IL1RAPL2: variants seen among roughly 807,000 people sequenced by gnomAD.
IL1RAPL2 encodes interleukin 1 receptor accessory protein like 2, also known as X-linked interleukin-1 receptor accessory protein-like 2.
Under a neutral mutation model 44.1 loss-of-function variants are expected in IL1RAPL2, and 3 were observed. The ratio of observed to expected loss-of-function variants is 0.07; its 90% CI spans 0.03 to 0.18. The LOEUF (loss-of-function observed/expected upper bound fraction) is 0.18, where lower values mean the gene tolerates loss of function less well. Among genes scored for constraint, IL1RAPL2 ranks in the 10% least tolerant of loss-of-function variants. The pLI is 1.00. For missense variants in IL1RAPL2, 391 were observed against 496.4 expected (o/e 0.79, Z 2.02); for synonymous variants, 181 against 178.8 (o/e 1.01, Z -0.10).
chrX:104,679,343 G>C (rs1209474800), intron 2 of IL1RAPL2, among the ~76,000 whole-genome samples: 1 of 111,567 alleles, frequency 9.0e-6, no homozygotes, highest in Non-Finnish European at 1.9e-5. Flanking sequence ...ACAATTTGTG[G>C]CCAGAATGAC....
rs750079131 is a variant in IL1RAPL2 at position 105,390,274 on chromosome X, C to G, written c.698-94039C>G. Reference sequence around the variant, plus strand: ...ATCCAGCCCCTGCCTCAAATCCCACCATTCTCTACCTCCCTCCTATTGCCA... The same window carrying G: ...ATCCAGCCCCTGCCTCAAATCCCACGATTCTCTACCTCCCTCCTATTGCCA... On this transcript the variant is annotated intron_variant, in intron 5 of 10. Coordinates refer to ENST00000372582, the MANE Select transcript of IL1RAPL2 (RefSeq NM_017416.2). Among the ~76,000 whole-genome samples, 10 of 111,335 alleles carry G rather than the reference C, an allele frequency of 9.0e-5. No homozygotes were observed. The South Asian group carries it at 3.8e-3, about 42-fold the overall frequency.
intron 5 of IL1RAPL2, among the ~76,000 whole-genome samples, chrX:105,343,139 A>G (rs1363664488): frequency 8.9e-6 from 1 of 111,790 alleles, no homozygotes; most frequent in African/African-American, 3.3e-5. Context: ...TGGAAGGCCC[A>G]TTTGTCCTCA....
chrX:105,303,337 G>C (rs185021945), intron 5 of IL1RAPL2, among the ~76,000 whole-genome samples: 2 of 111,818 alleles, frequency 1.8e-5, no homozygotes, highest in Non-Finnish European at 3.8e-5. Flanking sequence ...TTGGGTTCCT[G>C]AATTCCTTCA....
intron 7 of IL1RAPL2, among the ~76,000 whole-genome samples, chrX:105,730,774 A>G (rs1374367483): frequency 8.9e-6 from 1 of 111,892 alleles, no homozygotes; most frequent in Non-Finnish European, 1.9e-5. Flanking sequence ...GACTGAGTCA[A>G]TGAAGAAATT....
chrX:105,747,574 A>G (rs2038560579), intron 8 of IL1RAPL2, among the ~76,000 whole-genome samples: 1 of 102,857 alleles, frequency 9.7e-6, no homozygotes, highest in Admixed American at 1.1e-4. Context: ...ATATATACAC[A>G]CATATATATA....
intron 2 of IL1RAPL2, among the ~76,000 whole-genome samples, chrX:104,719,312 A>T (rs185777123): frequency 8.9e-6 from 1 of 112,077 alleles, no homozygotes; most frequent in East Asian, 2.8e-4. Flanking sequence ...AAAGTTCTGA[A>T]ATAGTCTTTA....
At chrX:105,055,242 G>A (rs1336259899) in intron 2 of IL1RAPL2, among the ~76,000 whole-genome samples, 1 of 111,639 alleles carries the variant, frequency 9.0e-6, no homozygotes, top group Non-Finnish European at 1.9e-5. Context: ...GAAAGAGCAA[G>A]GGAGGTCTTT....
chrX:105,657,340 C>G (rs891468015), intron 6 of IL1RAPL2, among the ~76,000 whole-genome samples: 10 of 112,093 alleles, frequency 8.9e-5, no homozygotes, highest in Non-Finnish European at 1.7e-4. Flanking sequence ...ATATCAAACT[C>G]TGTGTGTCTA....
At chrX:105,227,852 T>A (rs1462719523) in intron 3 of IL1RAPL2, among the ~76,000 whole-genome samples, 1 of 112,425 alleles carries the variant, frequency 8.9e-6, no homozygotes, top group Admixed American at 9.4e-5. Flanking sequence ...CTTTTTTAAA[T>A]AAGGTAAAAT....
intron 2 of IL1RAPL2, among the ~76,000 whole-genome samples, chrX:104,878,589 T>C (rs1427699135): frequency 2.7e-5 from 3 of 112,088 alleles, no homozygotes; most frequent in African/African-American, 9.7e-5. Context: ...CACAGTGTTA[T>C]GTATATTTAG....
intron 1 of IL1RAPL2, among the ~76,000 whole-genome samples, chrX:104,582,676 CTCTTTCTT>C (rs202220678): frequency 1.5e-5 from 1 of 67,708 alleles, no homozygotes; most frequent in East Asian, 4.5e-4. Flanking sequence ...TTTTTTCTTT[CTCTTTCTT>C]TCTTTCTTTC....
At chrX:104,761,955 T>C (rs1385779816) in intron 2 of IL1RAPL2, among the ~76,000 whole-genome samples, 3 of 90,971 alleles carry the variant, frequency 3.3e-5, no homozygotes, top group African/African-American at 1.5e-4. Context: ...CTTCTTCTTC[T>C]TCTTCTTCTT....
intron 8 of IL1RAPL2, among the ~76,000 whole-genome samples, chrX:105,747,575 CATAT>C (rs1181132236): frequency 9.9e-6 from 1 of 101,425 alleles, no homozygotes; most frequent in Non-Finnish European, 2.0e-5. Context: ...TATATACACA[CATAT>C]ATATATATTC....
At chrX:104,984,260 T>C (rs1835017289) in intron 2 of IL1RAPL2, among the ~76,000 whole-genome samples, 1 of 111,755 alleles carries the variant, frequency 8.9e-6, no homozygotes, top group African/African-American at 3.2e-5. Flanking sequence ...CATGTGGGAT[T>C]TTCAAAACAT....
intron 2 of IL1RAPL2, among the ~76,000 whole-genome samples, chrX:104,795,601 A>G (rs1272360074): frequency 9.0e-6 from 1 of 111,198 alleles, no homozygotes; most frequent in Non-Finnish European, 1.9e-5. Context: ...CACCTTGAGG[A>G]AATATTCTGT....
intron 1 of IL1RAPL2, among the ~76,000 whole-genome samples, chrX:104,638,248 A>G (rs1290804325): frequency 5.4e-5 from 6 of 110,292 alleles, no homozygotes; most frequent in African/African-American, 2.0e-4. Flanking sequence ...TGGGTGTTCT[A>G]TCTTTTTTGT....
intron 2 of IL1RAPL2, among the ~76,000 whole-genome samples, chrX:104,730,280 A>T (rs890167390): frequency 3.7e-5 from 4 of 107,284 alleles, no homozygotes; most frequent in Non-Finnish European, 7.8e-5. Flanking sequence ...TGTGCAGGTT[A>T]GTTACATATG....
intron 5 of IL1RAPL2, among the ~76,000 whole-genome samples, chrX:105,470,060 A>G (rs12556409): frequency 0.017 from 1,901 of 111,399 alleles, 86 homozygotes; most frequent in East Asian, 0.12. Context: ...ACAAACAAAC[A>G]AAAAACTGAA....
intron 5 of IL1RAPL2, among the ~76,000 whole-genome samples, chrX:105,380,653 C>CA (rs2035423038): frequency 1.8e-5 from 2 of 111,083 alleles, no homozygotes; most frequent in Admixed American, 1.9e-4. Flanking sequence ...CCACAATGTC[C>CA]AAAAAAACAT....
Sources: allele counts gnomAD v4.1 joint callset (sites outside exome capture counted in the v4.1 genomes callset), GRCh38; gene constraint gnomAD v4.1.1; transcripts MANE v1.5; gene names NCBI Gene and HGNC (gene_info 2026-07-23, HGNC 2026-07-21).